ZC3H12B: variants seen among roughly 807,000 people sequenced by gnomAD.
The protein encoded by ZC3H12B is probable ribonuclease ZC3H12B.
ZC3H12B carries 7 observed loss-of-function variants against 43.9 expected under a neutral mutation model. The observed-to-expected ratio is 0.16, with a 90% confidence interval of 0.09 to 0.30. The LOEUF (loss-of-function observed/expected upper bound fraction) is 0.30, where lower values mean the gene tolerates loss of function less well. Ranked by LOEUF, ZC3H12B falls within the 10% of genes least tolerant of loss-of-function variation. The pLI, the probability that ZC3H12B is intolerant of heterozygous loss-of-function variation, is 1.00. For missense variants in ZC3H12B, 475 were observed against 670.2 expected (o/e 0.71, Z 3.22); for synonymous variants, 222 against 241.7 (o/e 0.92, Z 0.76).
At chrX:65,224,521 C>T in the ZC3H12B span, among the ~76,000 whole-genome samples, 9 of 112,459 alleles carry the variant, frequency 8.0e-5, no homozygotes, top group East Asian at 2.8e-4. Flanking sequence ...AGACAGTGGG[C>T]GCAGGACAGT....
the ZC3H12B span, among the ~76,000 whole-genome samples, chrX:65,267,509 GA>G: frequency 9.1e-5 from 10 of 109,388 alleles, no homozygotes; most frequent in East Asian, 2.9e-4. Flanking sequence ...GGGAAAAAAG[GA>G]AAAAAAATGT....
the ZC3H12B span, among the ~76,000 whole-genome samples, chrX:65,193,229 A>T: frequency 1.8e-5 from 2 of 108,891 alleles, no homozygotes; most frequent in Non-Finnish European, 3.8e-5. Context: ...TAGTTTAAGG[A>T]GGGTTGACAT....
Position 65,497,285 on chromosome X carries a change from T to C in ZC3H12B, c.748+14T>C. ...CACCAATTACAGGTATTGTGTCAAATAAGACATTTCTTCTCATCTAGAGGC... is the reference window on the plus strand; with the variant it reads ...CACCAATTACAGGTATTGTGTCAAACAAGACATTTCTTCTCATCTAGAGGC... On this transcript the variant is annotated intron_variant, in intron 2 of 4. Transcript: ENST00000338957. 8.4e-7 allele frequency: 1 copy of C among 1,192,409 alleles called. No homozygotes were observed. Among genetic ancestry groups the C allele is most frequent in the Non-Finnish European group, 1.1e-6 (1 of 885,776 alleles).
the ZC3H12B span, among the ~76,000 whole-genome samples, chrX:65,283,647 C>G: frequency 8.9e-6 from 1 of 111,813 alleles, no homozygotes; most frequent in Non-Finnish European, 1.9e-5. Context: ...TGCCGGGAAG[C>G]CTTGGGACAG....
At chrX:65,284,017 G>A in the ZC3H12B span, among the ~76,000 whole-genome samples, 1 of 110,817 alleles carries the variant, frequency 9.0e-6, no homozygotes, top group Non-Finnish European at 1.9e-5. Context: ...ATGGGGGATC[G>A]ATCCCCAGCA....
At chrX:65,327,683 G>A in the ZC3H12B span, among the ~76,000 whole-genome samples, 1 of 111,479 alleles carries the variant, frequency 9.0e-6, no homozygotes, top group Admixed American at 9.6e-5. Flanking sequence ...AGGGCATAGT[G>A]TCAAAGGAAT....
the ZC3H12B span, chrX:65,272,740 G>A: frequency 8.9e-6 from 1 of 111,875 alleles, no homozygotes; most frequent in Non-Finnish European, 1.9e-5. Context: ...AATATTGAGA[G>A]GTATAGAATC....
upstream of ZC3H12B, among the ~76,000 whole-genome samples, chrX:65,362,202 C>A (rs917397340): frequency 1.8e-5 from 2 of 111,697 alleles, no homozygotes; most frequent in Non-Finnish European, 3.8e-5. Context: ...ACTGCCCGAT[C>A]GCCTCAAAAG....
chrX:65,314,463 A>T, the ZC3H12B span, among the ~76,000 whole-genome samples: 1 of 111,717 alleles, frequency 9.0e-6, no homozygotes, highest in African/African-American at 3.2e-5. Context: ...CTGATTTTTC[A>T]CCAGAAATCA....
At chrX:65,112,589 A>T in the ZC3H12B span, among the ~76,000 whole-genome samples, 8 of 111,723 alleles carry the variant, frequency 7.2e-5, no homozygotes, top group African/African-American at 2.6e-4. Flanking sequence ...AAATCCTAGG[A>T]CCATTAAAAA....
intron 3 of ZC3H12B, among the ~76,000 whole-genome samples, chrX:65,435,053 G>A (rs1004079056): frequency 2.7e-5 from 3 of 112,154 alleles, no homozygotes; most frequent in African/African-American, 9.7e-5. Flanking sequence ...TTTAACAGTA[G>A]ACAGCCTACA....
At chrX:65,154,122 CTAA>C in the ZC3H12B span, among the ~76,000 whole-genome samples, 1 of 111,031 alleles carries the variant, frequency 9.0e-6, no homozygotes, top group Non-Finnish European at 1.9e-5. Context: ...GGAGATATAC[CTAA>C]TGTTAAATGA....
the ZC3H12B span, among the ~76,000 whole-genome samples, chrX:65,183,249 A>G: frequency 5.1e-4 from 57 of 112,182 alleles, no homozygotes; most frequent in Non-Finnish European, 7.9e-4. Context: ...AAAGAATGAG[A>G]TCATGTATTT....
chrX:65,181,628 G>T, the ZC3H12B span, among the ~76,000 whole-genome samples: 1 of 112,144 alleles, frequency 8.9e-6, no homozygotes, highest in Non-Finnish European at 1.9e-5. Flanking sequence ...AGACATTTAT[G>T]CTGCCAACAA....
intron 3 of ZC3H12B, among the ~76,000 whole-genome samples, chrX:65,460,524 G>A (rs961457684): frequency 1.2e-4 from 13 of 111,478 alleles, no homozygotes; most frequent in African/African-American, 3.9e-4. Flanking sequence ...TAGACCAATG[G>A]CACAGAACAG....
chrX:65,187,759 A>G, the ZC3H12B span, among the ~76,000 whole-genome samples: 2 of 109,950 alleles, frequency 1.8e-5, no homozygotes, highest in Non-Finnish European at 3.8e-5. Context: ...TCACATTAGA[A>G]TACATGGGGT....
chrX:65,418,439 A>T (rs1456551084), intron 3 of ZC3H12B, among the ~76,000 whole-genome samples: 1 of 111,637 alleles, frequency 9.0e-6, no homozygotes, highest in African/African-American at 3.3e-5. Context: ...TGTAGGCCAG[A>T]CCTTAAGAGT....
the ZC3H12B span, among the ~76,000 whole-genome samples, chrX:65,199,677 A>G: frequency 9.0e-6 from 1 of 110,924 alleles, no homozygotes; most frequent in African/African-American, 3.3e-5. Flanking sequence ...GCTCCCACAT[A>G]TAAGTGGGAA....
At chrX:65,472,924 GTA>G (rs1240609841) in intron 3 of ZC3H12B, among the ~76,000 whole-genome samples, 7 of 82,251 alleles carry the variant, frequency 8.5e-5, no homozygotes, top group Non-Finnish European at 1.1e-4. Context: ...ATATGTTTGT[GTA>G]TATATATATG....
Sources: allele counts gnomAD v4.1 joint callset (sites outside exome capture counted in the v4.1 genomes callset), GRCh38; gene constraint gnomAD v4.1.1; transcripts MANE v1.5; gene names NCBI Gene and HGNC (gene_info 2026-07-23, HGNC 2026-07-21).